BNC2: variants seen among roughly 807,000 people sequenced by gnomAD.
BNC2 encodes the protein zinc finger protein basonuclin-2.
BNC2 carries 20 observed loss-of-function variants against 76.3 expected under a neutral mutation model. That is an observed-to-expected ratio of 0.26 (90% CI 0.18 to 0.38). The LOEUF is 0.38. BNC2 is among the 10% of genes least tolerant of loss of function. The pLI, the probability that BNC2 is intolerant of heterozygous loss-of-function variation, is 1.00. For synonymous variants in BNC2, 582 were observed against 514.8 expected (o/e 1.13, Z -1.77); for missense variants, 1,382 against 1,399.8 (o/e 0.99, Z 0.20).
At chr9:16,650,510 G>C (rs781168257) in intron 3 of BNC2, among the ~76,000 whole-genome samples, 14 of 152,068 alleles carry the variant, frequency 9.2e-5, no homozygotes, top group Non-Finnish European at 1.6e-4. Flanking sequence ...CCACCAAACT[G>C]CCTGGCTGTT....
intron 3 of BNC2, among the ~76,000 whole-genome samples, chr9:16,725,213 T>TCA (rs1420165030): frequency 1.0e-3 from 39 of 39,060 alleles, no homozygotes; most frequent in Non-Finnish European, 2.2e-3. Flanking sequence ...TAAGTCTCTC[T>TCA]CTCTCACACA....
chr9:16,826,889 C>A (rs1279612038), intron 1 of BNC2, among the ~76,000 whole-genome samples: 2 of 152,136 alleles, frequency 1.3e-5, no homozygotes, highest in Non-Finnish European at 2.9e-5. Context: ...AAAAAATTTT[C>A]TAAATGCTAT....
chr9:16,865,967 T>G (rs1427417992), intron 1 of BNC2, among the ~76,000 whole-genome samples: 2 of 152,150 alleles, frequency 1.3e-5, no homozygotes, highest in Non-Finnish European at 2.9e-5. Flanking sequence ...ATAAAGACTT[T>G]TATTGGCTAG....
chr9:16,568,598 A>G (rs1819230840), intron 4 of BNC2, among the ~76,000 whole-genome samples: 1 of 152,152 alleles, frequency 6.6e-6, no homozygotes, highest in African/African-American at 2.4e-5. Context: ...AATCATTATC[A>G]CATCAATCCT....
intron 1 of BNC2, among the ~76,000 whole-genome samples, chr9:16,780,188 A>G (rs1390487725): frequency 3.6e-5 from 5 of 138,340 alleles, no homozygotes; most frequent in Non-Finnish European, 3.1e-5. Context: ...GTGAGCCGAG[A>G]TCGCGCCACT....
intron 3 of BNC2, among the ~76,000 whole-genome samples, chr9:16,631,336 C>G (rs1587254755): frequency 6.6e-6 from 1 of 152,094 alleles, no homozygotes; most frequent in South Asian, 2.1e-4. Context: ...AATAAGAACC[C>G]ATACCCCCAC....
chr9:16,682,355 T>C (rs1822850528), intron 3 of BNC2, among the ~76,000 whole-genome samples: 1 of 143,584 alleles, frequency 7.0e-6, no homozygotes, highest in Non-Finnish European at 1.5e-5. Flanking sequence ...GATGAGCAGC[T>C]TTTGGTTCAC....
At chr9:16,766,076 C>T (rs940055612) in intron 1 of BNC2, among the ~76,000 whole-genome samples, 8 of 152,170 alleles carry the variant, frequency 5.3e-5, no homozygotes, top group Admixed American at 1.3e-4. Context: ...CGTGAGCCAC[C>T]GCGCCCGGCA....
intron 1 of BNC2, among the ~76,000 whole-genome samples, chr9:16,821,069 C>G (rs1420569216): frequency 3.3e-5 from 5 of 151,886 alleles, no homozygotes; most frequent in Non-Finnish European, 5.9e-5. Context: ...CCCATCTCTA[C>G]TAAAAATACA....
At chr9:16,548,221 A>C (rs1323941543) in intron 5 of BNC2, among the ~76,000 whole-genome samples, 1 of 152,166 alleles carries the variant, frequency 6.6e-6, no homozygotes, top group South Asian at 2.1e-4. Flanking sequence ...AGAGACTATA[A>C]AAACTTGATT....
chr9:16,809,939 T>C (rs1164013635), intron 1 of BNC2, among the ~76,000 whole-genome samples: 5 of 152,220 alleles, frequency 3.3e-5, no homozygotes, highest in South Asian at 4.1e-4. Context: ...TCCTAATCAA[T>C]GCTTTGATGG....
chr9:16,597,471 T>C (rs1322643139), intron 3 of BNC2, among the ~76,000 whole-genome samples: 2 of 152,160 alleles, frequency 1.3e-5, no homozygotes, highest in Admixed American at 6.5e-5. Context: ...GAATTTGCTC[T>C]GCAAACTGGT....
In BNC2 at chr9:16,491,175, T is replaced by C. The variant is rs983179881; in HGVS notation, c.670-53651A>G. On this transcript the variant is annotated intron_variant, in intron 5 of 6. Coordinates refer to ENST00000380672, the MANE Select transcript of BNC2 (RefSeq NM_017637.6). ...CAAAGACAAATATTTTTACATTACA[T>C]GTTGCAGTCAGTGAAAAGCCACTGA... Among the ~76,000 whole-genome samples, 6 of 152,182 alleles carry C rather than the reference T, an allele frequency of 3.9e-5. No homozygotes were observed. The South Asian group carries it at 8.3e-4, about 21-fold the overall frequency.
At chr9:16,520,889 C>G (rs1046341082) in intron 5 of BNC2, among the ~76,000 whole-genome samples, 13 of 152,286 alleles carry the variant, frequency 8.5e-5, no homozygotes, top group Admixed American at 5.9e-4. Context: ...CAAAGAAAAA[C>G]AGAAATCCAA....
intron 1 of BNC2, among the ~76,000 whole-genome samples, chr9:16,767,372 G>T (rs1825725511): frequency 6.6e-6 from 1 of 152,200 alleles, no homozygotes; most frequent in African/African-American, 2.4e-5. Flanking sequence ...GAGACACAAG[G>T]AAACAATTAC....
At chr9:16,857,480 TAAAAAA>T (rs60082380) in intron 1 of BNC2, among the ~76,000 whole-genome samples, 27 of 75,676 alleles carry the variant, frequency 3.6e-4, no homozygotes, top group East Asian at 2.7e-3. Flanking sequence ...CTGTCTCAAA[TAAAAAA>T]AAAAAAAAAA....
intron 5 of BNC2, among the ~76,000 whole-genome samples, chr9:16,453,616 A>G (rs1004765277): frequency 2.0e-5 from 3 of 152,072 alleles, no homozygotes; most frequent in African/African-American, 7.2e-5. Flanking sequence ...TGCTTTTTCT[A>G]AAGTGCACCT....
intron 1 of BNC2, among the ~76,000 whole-genome samples, chr9:16,742,665 T>A (rs1022577526): frequency 6.6e-6 from 1 of 152,202 alleles, no homozygotes; most frequent in Non-Finnish European, 1.5e-5. Flanking sequence ...ATGAGATTGA[T>A]CTTTGAGCTT....
intron 1 of BNC2, among the ~76,000 whole-genome samples, chr9:16,826,630 G>C (rs1818459266): frequency 2.0e-5 from 3 of 152,100 alleles, no homozygotes; most frequent in African/African-American, 7.2e-5. Flanking sequence ...GCAGAAAAAT[G>C]ACTGAAATAT....
Sources: allele counts gnomAD v4.1 joint callset (sites outside exome capture counted in the v4.1 genomes callset), GRCh38; gene constraint gnomAD v4.1.1; transcripts MANE v1.5; gene names NCBI Gene and HGNC (gene_info 2026-07-23, HGNC 2026-07-21).